Variants in NCKAP1 observed in about 807,000 individuals in gnomAD.
NCKAP1 encodes the protein nck-associated protein 1.
Under a neutral mutation model 151.2 loss-of-function variants are expected in NCKAP1, and 21 were observed. The observed-to-expected ratio is 0.14, with a 90% CI of 0.10 to 0.20. The LOEUF (loss-of-function observed/expected upper bound fraction) is 0.20. NCKAP1 is among the 10% of genes least tolerant of loss of function. The probability of loss-of-function intolerance (pLI) is 1.00; values close to 1 mark genes in which losing one functional copy is unlikely to be tolerated. For missense variants in NCKAP1, 933 were observed against 1,352.1 expected, an observed-to-expected ratio of 0.69 and a Z score of 4.86; for synonymous variants, 484 against 451.8, an observed-to-expected ratio of 1.07 and a Z score of -0.90.
intron 14 of NCKAP1, among the ~76,000 whole-genome samples, chr2:182,978,277 A>C (rs1477258347): frequency 6.6e-6 from 1 of 152,200 alleles, no homozygotes; most frequent in Non-Finnish European, 1.5e-5. Context: ...GATCCACTAG[A>C]ATGGAGTGTC....
chr2:182,958,899 G>C (rs1697380958), intron 18 of NCKAP1, among the ~76,000 whole-genome samples: 1 of 152,182 alleles, frequency 6.6e-6, no homozygotes, highest in East Asian at 1.9e-4. Context: ...ATAAACACCA[G>C]ATTTCAAAGA....
chr2:182,940,946 A>G (rs961624181), intron 24 of NCKAP1, among the ~76,000 whole-genome samples: 1 of 152,258 alleles, frequency 6.6e-6, no homozygotes, highest in African/African-American at 2.4e-5. Context: ...TAAGAATTAA[A>G]TAAGTTTTAC....
intron 6 of NCKAP1, among the ~76,000 whole-genome samples, chr2:182,996,293 A>G (rs1209863640): frequency 6.6e-6 from 1 of 152,234 alleles, no homozygotes; most frequent in Admixed American, 6.5e-5. Flanking sequence ...TAAAAATAAT[A>G]CACTGTACCT....
At position 183,006,386 on chromosome 2, in the gene NCKAP1, T is replaced by C. The variant is rs573420502; in HGVS notation, c.220-3061A>G. Among the ~76,000 whole-genome samples, 4 of 152,306 alleles carry C rather than the reference T, an allele frequency of 2.6e-5. No individual in the cohort carries two copies. The East Asian group carries it at 7.7e-4, about 29-fold the overall frequency. On this transcript the variant is annotated intron_variant, in intron 2 of 30. Coordinates refer to ENST00000361354, the MANE Select transcript of NCKAP1 (RefSeq NM_013436.5). ...CAAAGGAAGCTTGCAGATCACTTCT[T>C]CAAAATAAATATAATAAAACTTTAA...
chr2:182,967,889 C>T (rs762378823), intron 15 of NCKAP1, among the ~76,000 whole-genome samples: 2 of 151,902 alleles, frequency 1.3e-5, no homozygotes, highest in African/African-American at 2.4e-5. Context: ...TAGAACTAAA[C>T]GAAAATCATT....
chr2:182,976,853 A>G, intron 15 of NCKAP1, 40 bp downstream of exon 15: 7 of 1,326,134 alleles, frequency 5.3e-6, no homozygotes, highest in Non-Finnish European at 6.1e-6. Context: ...CATGTTAACT[A>G]AAATAACAAA....
chr2:182,970,342 G>A (rs1291758967), intron 15 of NCKAP1, among the ~76,000 whole-genome samples: 3 of 152,090 alleles, frequency 2.0e-5, no homozygotes, highest in East Asian at 3.9e-4. Flanking sequence ...CATCACTTAC[G>A]AACATAGATG....
Position 182,923,493 on chromosome 2 carries a change from G to C in NCKAP1, c.*2209C>G, listed in dbSNP as rs2105792982. ...TTGCCATGTTGGCCAGGCTGGTGTTGAACTCCTGACCTCAAGTGATCCATC... is the reference window on the plus strand; with the variant it reads ...TTGCCATGTTGGCCAGGCTGGTGTTCAACTCCTGACCTCAAGTGATCCATC... On this transcript the variant is annotated 3_prime_UTR_variant, in exon 31 of 31. Transcript: ENST00000361354. The C allele has an allele frequency of 6.6e-6, 1 of 152,296 alleles. No homozygotes were observed. The highest frequency in any genetic ancestry group is 2.4e-5 in the African/African-American group (1 of 41,552). 9.4% of individuals were successfully genotyped at this position (152,296 alleles called of 1,614,324 possible).
chr2:182,959,773 A>C (rs1475584516), intron 18 of NCKAP1, among the ~76,000 whole-genome samples: 1 of 152,226 alleles, frequency 6.6e-6, no homozygotes, highest in African/African-American at 2.4e-5. Flanking sequence ...AAGCGCATTC[A>C]ATTAGGAAAA....
At chr2:183,025,721 AAATAT>A (rs1698882128) in intron 1 of NCKAP1, among the ~76,000 whole-genome samples, 1 of 152,280 alleles carries the variant, frequency 6.6e-6, no homozygotes, top group Admixed American at 6.5e-5. Flanking sequence ...TCTTCTCCCC[AAATAT>A]AATAGCTAAG....
chr2:182,928,987 T>A, intron 27 of NCKAP1, 88 bp from the exon 28 acceptor site: 1 of 834,390 alleles, frequency 1.2e-6, no homozygotes, highest in Non-Finnish European at 1.8e-6. Flanking sequence ...ATTTTTATTT[T>A]AAAAATGGTT....
intron 2 of NCKAP1, among the ~76,000 whole-genome samples, chr2:183,013,363 C>T (rs1396205814): frequency 6.6e-6 from 1 of 152,136 alleles, no homozygotes; most frequent in Non-Finnish European, 1.5e-5. Flanking sequence ...CTGCACTACC[C>T]CAAACCTATT....
At chr2:182,940,001 T>C (rs867848613) in intron 24 of NCKAP1, among the ~76,000 whole-genome samples, 10 of 152,330 alleles carry the variant, frequency 6.6e-5, no homozygotes, top group Middle Eastern at 3.4e-3. Flanking sequence ...AGCAGAATCT[T>C]GACAAACGAC....
chr2:183,012,568 A>T (rs1259172296), intron 2 of NCKAP1, among the ~76,000 whole-genome samples: 1 of 149,190 alleles, frequency 6.7e-6, no homozygotes, highest in African/African-American at 2.5e-5. Context: ...ACACAGAGGG[A>T]CCTCCTATCC....
chr2:182,985,668 C>T (rs1461614824), intron 10 of NCKAP1, among the ~76,000 whole-genome samples: 2 of 151,540 alleles, frequency 1.3e-5, no homozygotes, highest in Admixed American at 6.6e-5. Flanking sequence ...TGGGAATGTA[C>T]GGCGGGTGCC....
In NCKAP1 at chr2:182,919,661, T is replaced by G. The variant is rs2105790122; in HGVS notation, c.*6041A>C. On this transcript the variant is annotated 3_prime_UTR_variant, in exon 31 of 31. Coordinates refer to ENST00000361354, the MANE Select transcript of NCKAP1 (RefSeq NM_013436.5). ...TTTTTTTTAATGTATTATAATTTTT[T>G]TTTTTTTTGAGACAGAGTCTTGTTC... The G allele has an allele frequency of 6.6e-6, 1 of 151,860 alleles. No homozygotes were observed. The highest frequency in any genetic ancestry group is 6.5e-5 in the Admixed American group (1 of 15,270). The allele number at this position is 151,860 out of a possible 1,614,324, so 9.4% of individuals were successfully genotyped here.
intron 13 of NCKAP1, 120 bp downstream of exon 13, chr2:182,981,124 T>G (rs1380954928): frequency 2.3e-6 from 3 of 1,291,618 alleles, no homozygotes; most frequent in Non-Finnish European, 3.2e-6. Context: ...CTCCAAAATA[T>G]AAACATGATT....
chr2:183,004,741 G>T (rs1239811044), intron 2 of NCKAP1, among the ~76,000 whole-genome samples: 2 of 151,876 alleles, frequency 1.3e-5, no homozygotes, highest in Non-Finnish European at 2.9e-5. Flanking sequence ...AAAATTAGCT[G>T]GGCATGGTGG....
intron 10 of NCKAP1, among the ~76,000 whole-genome samples, chr2:182,984,319 C>G (rs1559093477): frequency 6.6e-6 from 1 of 151,948 alleles, no homozygotes; most frequent in Admixed American, 6.6e-5. Flanking sequence ...AGAAAACATT[C>G]TCACATATTA....
Sources: gnomAD v4.1 joint callset for allele counts (sites outside exome capture counted in the v4.1 genomes callset) on GRCh38, gnomAD v4.1.1 for gene constraint, MANE v1.5 for transcripts, NCBI Gene and HGNC (gene_info 2026-07-23, HGNC 2026-07-21) for gene names.